GSK3B: variants seen among roughly 807,000 people sequenced by gnomAD.
GSK3B encodes glycogen synthase kinase 3 beta, also known as glycogen synthase kinase-3 beta.
GSK3B carries 15 observed loss-of-function variants against 56.4 expected under a neutral mutation model. The ratio of observed to expected loss-of-function variants is 0.27; its 90% CI spans 0.18 to 0.41. The LOEUF (loss-of-function observed/expected upper bound fraction) is 0.41, where lower values mean the gene tolerates loss of function less well. GSK3B is among the 10% of genes least tolerant of loss of function. The pLI, the probability that GSK3B is intolerant of heterozygous loss-of-function variation, is 1.00. For synonymous variants in GSK3B, 181 were observed against 188.9 expected (o/e 0.96, Z 0.34); for missense variants, 300 against 513.4 (o/e 0.58, Z 4.02).
At chr3:119,991,086 G>A (rs1192959850) in intron 2 of GSK3B, among the ~76,000 whole-genome samples, 4 of 152,150 alleles carry the variant, frequency 2.6e-5, no homozygotes, top group Non-Finnish European at 5.9e-5. Context: ...CTTCAAAGGA[G>A]AAATGAATAG....
chr3:120,074,352 C>T (rs1340209560), intron 1 of GSK3B, among the ~76,000 whole-genome samples: 3 of 134,790 alleles, frequency 2.2e-5, no homozygotes, highest in Admixed American at 7.4e-5. Flanking sequence ...TCATGAGAAA[C>T]TTTTTTTTTT....
chr3:119,987,653 A>G (rs2057528914), intron 2 of GSK3B, among the ~76,000 whole-genome samples: 2 of 151,260 alleles, frequency 1.3e-5, no homozygotes, highest in African/African-American at 4.9e-5. Flanking sequence ...AAACTTATAA[A>G]GCATTAAAAA....
intron 2 of GSK3B, among the ~76,000 whole-genome samples, chr3:119,959,207 C>T (rs1451968108): frequency 2.0e-5 from 3 of 152,140 alleles, no homozygotes; most frequent in African/African-American, 4.8e-5. Context: ...TAGTCTCTCA[C>T]CTCTTTCAGC....
At chr3:120,020,766 T>C (rs1310977876) in intron 1 of GSK3B, among the ~76,000 whole-genome samples, 1 of 152,232 alleles carries the variant, frequency 6.6e-6, no homozygotes, top group Non-Finnish European at 1.5e-5. Context: ...GAGGAAAATA[T>C]GTCAAAAGCC....
At chr3:120,056,530 G>A (rs964520078) in intron 1 of GSK3B, among the ~76,000 whole-genome samples, 2 of 152,040 alleles carry the variant, frequency 1.3e-5, no homozygotes, top group African/African-American at 4.8e-5. Context: ...CGTAGAGACG[G>A]GGTTTCACCA....
Position 120,012,208 on chromosome 3 carries a change from T to C in GSK3B, c.89-9969A>G, listed in dbSNP as rs947321566. Among the ~76,000 whole-genome samples, 7 of 152,338 alleles carry C rather than the reference T, an allele frequency of 4.6e-5. No homozygotes were observed. The East Asian group carries it at 9.6e-4, about 21-fold the overall frequency. ...TAAAACTGTACAACAGTTGATTCTG[T>C]GACATCCAAACAACTTAATATTTGC... On this transcript the variant is annotated intron_variant, in intron 1 of 10. Coordinates refer to ENST00000264235, the MANE Select transcript of GSK3B (RefSeq NM_001146156.2).
Position 120,040,695 on chromosome 3 carries a change from A to C in GSK3B, c.89-38456T>G, listed in dbSNP as rs576299317. On this transcript the variant is annotated intron_variant, in intron 1 of 10. Transcript: ENST00000264235. ...CCCCCAATCTCTTGTTAAAAGACCTAGCCCCCTAGGTCTCATGTTAAAATA... is the reference window on the plus strand; with the variant it reads ...CCCCCAATCTCTTGTTAAAAGACCTCGCCCCCTAGGTCTCATGTTAAAATA... 7.2e-5 allele frequency among the ~76,000 whole-genome samples: 11 copies of C among 152,222 alleles called. No homozygotes were observed. The East Asian group carries it at 1.9e-3, about 27-fold the overall frequency.
chr3:119,875,307 G>A (rs2056298284), intron 8 of GSK3B, among the ~76,000 whole-genome samples: 1 of 151,894 alleles, frequency 6.6e-6, no homozygotes, highest in Admixed American at 6.6e-5. Context: ...GAGAGAGAAA[G>A]AAACATACTT....
At chr3:119,932,026 C>A (rs2056950650) in intron 3 of GSK3B, among the ~76,000 whole-genome samples, 1 of 152,146 alleles carries the variant, frequency 6.6e-6, no homozygotes, top group Non-Finnish European at 1.5e-5. Flanking sequence ...AACAACTCAA[C>A]AACAGCTGAG....
At chr3:120,055,916 T>G (rs1358770509) in intron 1 of GSK3B, among the ~76,000 whole-genome samples, 1 of 152,186 alleles carries the variant, frequency 6.6e-6, no homozygotes, top group Non-Finnish European at 1.5e-5. Flanking sequence ...ACATCAGTGG[T>G]TCTCAAACTG....
At chr3:120,035,360 A>G (rs2058013359) in intron 1 of GSK3B, among the ~76,000 whole-genome samples, 1 of 152,234 alleles carries the variant, frequency 6.6e-6, no homozygotes, top group African/African-American at 2.4e-5. Context: ...TCCAGCTTCT[A>G]AACTGTGAGA....
intron 2 of GSK3B, among the ~76,000 whole-genome samples, chr3:119,961,617 ACT>A (rs2107506106): frequency 7.1e-6 from 1 of 140,054 alleles, no homozygotes; most frequent in Admixed American, 7.3e-5. Context: ...ACAGAGCAAG[ACT>A]CTGTCTCACA....
chr3:119,976,604 T>C (rs2057410293), intron 2 of GSK3B, among the ~76,000 whole-genome samples: 1 of 152,126 alleles, frequency 6.6e-6, no homozygotes, highest in Admixed American at 6.5e-5. Flanking sequence ...CATTTTGAGA[T>C]GAAAATATTC....
chr3:119,951,962 A>G (rs1214094580), intron 2 of GSK3B, among the ~76,000 whole-genome samples: 1 of 152,016 alleles, frequency 6.6e-6, no homozygotes, highest in Non-Finnish European at 1.5e-5. Flanking sequence ...ATTAAAAAAA[A>G]AAACCCAGTG....
intron 1 of GSK3B, among the ~76,000 whole-genome samples, chr3:120,042,209 C>T (rs2058069832): frequency 6.6e-6 from 1 of 152,196 alleles, no homozygotes; most frequent in Admixed American, 6.5e-5. Context: ...CTGTTCTCCA[C>T]TTAACTCCTT....
At chr3:120,029,679 AT>A in intron 1 of GSK3B, 1 of 531,724 alleles carries the variant, frequency 1.9e-6, no homozygotes, top group Non-Finnish European at 3.7e-6. Context: ...CATTATGGCC[AT>A]GGATACAGCA....
At chr3:119,999,583 A>T (rs1404120856) in intron 2 of GSK3B, among the ~76,000 whole-genome samples, 3 of 152,208 alleles carry the variant, frequency 2.0e-5, no homozygotes, top group African/African-American at 7.2e-5. Context: ...TTAGGAGACA[A>T]ATATTTAAAA....
At chr3:120,050,490 T>C (rs901673650) in intron 1 of GSK3B, among the ~76,000 whole-genome samples, 11 of 152,108 alleles carry the variant, frequency 7.2e-5, no homozygotes, top group Admixed American at 3.3e-4. Flanking sequence ...CTCTAGTAAA[T>C]GAAGAGGAAT....
chr3:120,091,161 AT>A (rs914820933), intron 1 of GSK3B, among the ~76,000 whole-genome samples: 5 of 151,602 alleles, frequency 3.3e-5, no homozygotes, highest in Non-Finnish European at 5.9e-5. Flanking sequence ...TATTGTTTTA[AT>A]TTTTTTTTCC....
Sources: allele counts gnomAD v4.1 joint callset (sites outside exome capture counted in the v4.1 genomes callset), GRCh38; gene constraint gnomAD v4.1.1; transcripts MANE v1.5; gene names NCBI Gene and HGNC (gene_info 2026-07-23, HGNC 2026-07-21).